Variants in DELE1 observed in about 807,000 individuals in gnomAD.
DELE1 encodes DAP3 binding cell death enhancer 1.
DELE1 carries 54 observed loss-of-function variants against 59.3 expected under a neutral mutation model. That is an observed-to-expected ratio of 0.91 (90% CI 0.73 to 1.14). The LOEUF is 1.14. Among genes scored for constraint, DELE1 ranks in the 50% most tolerant of loss-of-function variants. The probability of loss-of-function intolerance (pLI) is 0.00; values close to 1 mark genes in which losing one functional copy is unlikely to be tolerated. For missense variants in DELE1, 636 were observed against 643.9 expected, an observed-to-expected ratio of 0.99 and a Z score of 0.13; for synonymous variants, 264 against 259.1, an observed-to-expected ratio of 1.02 and a Z score of -0.18.
rs201368765 is a variant in DELE1 at position 141,924,688 on chromosome 5, C to G, written c.139C>G (p.Leu47Val). 12 of 1,602,724 alleles carry G rather than the reference C, an allele frequency of 7.5e-6. No homozygotes were observed. Among genetic ancestry groups the G allele is most frequent in the African/African-American group, 6.7e-5 (5 of 74,840 alleles). The change falls in exon 2 of 12, where the codon CTC becomes GTC. Residue 47 changes from leucine (L) to valine (V), a missense_variant. Transcript: ENST00000432126. ...CACTTTGCTGGTTCCTGTGCCTAAC[C>G]TCGACAGGTAAGATACTGCCATTTT... Reference protein sequence around the residue: ...SSTLLVPVPNLDRSGPHGPGT... With the variant: ...SSTLLVPVPNVDRSGPHGPGT...
rs1029958443 is a variant in DELE1, at chr5:141,941,448, C to T, written c.*2689C>T. ...AAAATCCTTGGCTGTTCAGTCACTG[C>T]GGTCTTGATCCAGCCCCAGGGGGAT... is the stretch of plus-strand genomic sequence containing the variant. On this transcript the variant is annotated 3_prime_UTR_variant, in exon 12 of 12. Coordinates refer to ENST00000432126, the MANE Select transcript of DELE1 (RefSeq NM_014773.5). 1.8e-5 allele frequency: 18 copies of T among 985,480 alleles called. No individual in the cohort carries two copies. The highest frequency in any genetic ancestry group is 1.0e-3 in the Middle Eastern group (2 of 1,914). 61.0% of individuals were successfully genotyped at this position (985,480 alleles called of 1,614,324 possible).
rs893592545 is a variant in DELE1, at chr5:141,940,546, A to T, written c.*1787A>T. ...GTCCACGTTTCCCTCTCTGCTTCCC[A>T]CCCCATCTCTCTCAACTTCTTAGTG... On this transcript the variant is annotated 3_prime_UTR_variant, in exon 12 of 12. Transcript: ENST00000432126. 2.0e-6 allele frequency: 2 copies of T among 985,188 alleles called. No individual in the cohort carries two copies. Among genetic ancestry groups the T allele is most frequent in the Non-Finnish European group, 2.4e-6 (2 of 829,888 alleles). 61.0% of individuals were successfully genotyped at this position (985,188 alleles called of 1,614,324 possible).
intron 7 of DELE1, among the ~76,000 whole-genome samples, chr5:141,932,747 AG>A (rs1227746278): frequency 1.3e-5 from 2 of 152,208 alleles, no homozygotes; most frequent in African/African-American, 4.8e-5. Context: ...GGTTTATAGT[AG>A]GGCAGAACCC....
At chr5:141,929,537 A>G (rs542422343) in intron 4 of DELE1, 45 bp from the exon 5 acceptor site, 5 of 1,597,510 alleles carry the variant, frequency 3.1e-6, no homozygotes, top group Admixed American at 3.4e-5. Flanking sequence ...GGTGTGAGCC[A>G]TCGCGCCTGG....
In DELE1 at chr5:141,935,659, C is replaced by T. The variant is rs139842868; in HGVS notation, c.1149+1073C>T. Among the ~76,000 whole-genome samples, 689 of 152,342 alleles carry T rather than the reference C, an allele frequency of 4.5e-3. 8 individuals are homozygous for T. Among genetic ancestry groups the T allele is most frequent in the African/African-American group, 0.016 (647 of 41,578 alleles). ...CAACAGGTATCCACTGCTGTACCTGCCTTGCCTTGAAAGAGCCCCACAGAG... is the reference window on the plus strand; with the variant it reads ...CAACAGGTATCCACTGCTGTACCTGTCTTGCCTTGAAAGAGCCCCACAGAG... On this transcript the variant is annotated intron_variant, in intron 10 of 11. Coordinates refer to ENST00000432126, the MANE Select transcript of DELE1 (RefSeq NM_014773.5).
chr5:141,939,869 A>G lies in DELE1; in HGVS notation c.*1110A>G, dbSNP rs1752634263. On this transcript the variant is annotated 3_prime_UTR_variant, in exon 12 of 12. Coordinates refer to ENST00000432126, the MANE Select transcript of DELE1 (RefSeq NM_014773.5). ...CACCACAGAGAGGACCTTTGTGCTC[A>G]CTTTGGCCCAGGAGGCAGTGATGCT... is the stretch of plus-strand genomic sequence containing the variant. 6 of 583,770 alleles carry G rather than the reference A, an allele frequency of 1.0e-5. No individual in the cohort carries two copies. In the South Asian group the frequency reaches 3.7e-4, roughly 36 times the overall value. 36.2% of individuals were successfully genotyped at this position (583,770 alleles called of 1,614,324 possible).
intron 2 of DELE1, 55 bp downstream of exon 2, chr5:141,924,750 AT>A (rs372628786): frequency 0.033 from 27,288 of 834,820 alleles, no homozygotes; most frequent in Non-Finnish European, 0.039. Flanking sequence ...CTTTTTTTTT[AT>A]TTTTTTTTTT....
In DELE1 at chr5:141,939,335, G is replaced by A. The variant is rs1443194363; in HGVS notation, c.*576G>A. 7 of 854,634 alleles carry A rather than the reference G, an allele frequency of 8.2e-6. No individual in the cohort carries two copies. Among genetic ancestry groups the A allele is most frequent in the Non-Finnish European group, 9.8e-6 (7 of 710,756 alleles). 52.9% of individuals were successfully genotyped at this position (854,634 alleles called of 1,614,324 possible). ...GAATCAGTTTAAAGAAAAACATAAC[G>A]TAAAAGTGGGCACAGATCCAGAGAG... On this transcript the variant is annotated 3_prime_UTR_variant, in exon 12 of 12. Coordinates refer to ENST00000432126, the MANE Select transcript of DELE1 (RefSeq NM_014773.5).
intron 8 of DELE1, 62 bp from the exon 9 acceptor site, chr5:141,934,178 A>G: frequency 7.1e-7 from 1 of 1,415,682 alleles, no homozygotes; most frequent in Non-Finnish European, 9.4e-7. Context: ...TAAAAATTTC[A>G]CTGAGTGCAA....
chr5:141,925,490 G>A lies in DELE1; in HGVS notation c.227G>A (p.Arg76His), dbSNP rs145284153. The change falls in exon 3 of 12, where the codon CGT becomes CAT. Residue 76 changes from arginine to histidine, a missense_variant. Arg to His is a conservative substitution (Grantham distance 29). Transcript: ENST00000432126. ...WKDAFQWMSS[R>H]VSPNTLWDAI... ...GATGCCTTCCAATGGATGTCTTCCC[G>A]TGTCTCCCCGAACACCCTATGGGAT... 1.4e-5 allele frequency: 22 copies of A among 1,603,316 alleles called. 1 individual carries two copies. The highest frequency in any genetic ancestry group is 1.2e-4 in the African/African-American group (9 of 74,206).
At chr5:141,936,523 C>A (rs1752371858) in intron 10 of DELE1, among the ~76,000 whole-genome samples, 1 of 152,192 alleles carries the variant, frequency 6.6e-6, no homozygotes, top group South Asian at 2.1e-4. Context: ...CAACCTCCGC[C>A]TCCCGGGTTC....
At position 141,928,006 on chromosome 5, in the gene DELE1, C is replaced by G. The variant is rs1027452196; in HGVS notation, c.265-145C>G. ...TTTAAATGCCAGTGTGGTCAGGGCT[C>G]CAGAGAAGTTAGGGTGTTGTGAAAG... On this transcript the variant is annotated intron_variant, in intron 3 of 11. Transcript: ENST00000432126. The G allele has an allele frequency of 1.9e-5, 15 of 805,542 alleles. No homozygotes were observed. In the African/African-American group the frequency reaches 2.4e-4, roughly 13 times the overall value. The allele number at this position is 805,542 out of a possible 1,614,324, so 49.9% of individuals were successfully genotyped here.
intron 1 of DELE1, 92 bp downstream of exon 1, chr5:141,924,064 G>C (rs1751158971): frequency 6.6e-7 from 1 of 1,519,944 alleles, no homozygotes; most frequent in Non-Finnish European, 9.0e-7. Flanking sequence ...AAGCGATCGT[G>C]GGCCGGGTTA....
Position 141,939,758 on chromosome 5 carries a change from C to A in DELE1, c.*999C>A. 1 of 915,634 alleles carries A rather than the reference C, an allele frequency of 1.1e-6. No individual in the cohort carries two copies. Among genetic ancestry groups the A allele is most frequent in the Non-Finnish European group, 1.3e-6 (1 of 766,326 alleles). 56.7% of individuals were successfully genotyped at this position (915,634 alleles called of 1,614,324 possible). A position where few individuals can be genotyped will look rare whatever the true frequency, so the allele number is the denominator to read the frequency against. ...GGCCATGTCACCTTGAAGCTGTGAC[C>A]TGACTCCCTATATTGTTTCCTCAGT... On this transcript the variant is annotated 3_prime_UTR_variant, in exon 12 of 12. Transcript: ENST00000432126.
rs1282071543 is a variant in DELE1 at position 141,939,028 on chromosome 5, G to A, written c.*269G>A. ...TGACCTATGAAAAACCCTACTGAAGGGTCCAGAGACCCTGGTGCTCACCTT... is the reference window on the plus strand; with the variant it reads ...TGACCTATGAAAAACCCTACTGAAGAGTCCAGAGACCCTGGTGCTCACCTT... On this transcript the variant is annotated 3_prime_UTR_variant, in exon 12 of 12. Transcript: ENST00000432126. The A allele has an allele frequency of 1.5e-5, 19 of 1,270,788 alleles. No homozygotes were observed. Among genetic ancestry groups the A allele is most frequent in the Non-Finnish European group, 1.6e-5 (16 of 1,005,166 alleles). 78.7% of individuals were successfully genotyped at this position (1,270,788 alleles called of 1,614,324 possible).
chr5:141,938,698 G>C lies in DELE1; in HGVS notation c.1487G>C (p.Arg496Thr), dbSNP rs1270594989. Residue 496 changes from arginine to threonine, a missense_variant, in exon 12 of 12, where the codon AGG becomes ACG. Transcript: ENST00000432126. ...HLGASLEASSRAIPPHPYPLE... is the reference protein window; with the variant it reads ...HLGASLEASSTAIPPHPYPLE... ...GGAGCCAGCCTGGAAGCCTCCAGCAGGGCTATTCCCCCACACCCCTACCCA... is the reference window on the plus strand; with the variant it reads ...GGAGCCAGCCTGGAAGCCTCCAGCACGGCTATTCCCCCACACCCCTACCCA... The C allele has an allele frequency of 1.2e-6, 2 of 1,614,134 alleles. No individual in the cohort carries two copies.
chr5:141,925,765 G>A (rs1252876978), intron 3 of DELE1, among the ~76,000 whole-genome samples: 2 of 152,134 alleles, frequency 1.3e-5, no homozygotes, highest in Non-Finnish European at 2.9e-5. Flanking sequence ...AGGCATTTTT[G>A]CTAGTCACTA....
intron 10 of DELE1, chr5:141,934,974 A>C: frequency 4.7e-6 from 1 of 211,222 alleles, no homozygotes; most frequent in Non-Finnish European, 9.6e-6. Flanking sequence ...CAGAATAATA[A>C]TGCTTGCCTT....
chr5:141,935,372 A>G (rs1469296193), intron 10 of DELE1, among the ~76,000 whole-genome samples: 1 of 152,244 alleles, frequency 6.6e-6, no homozygotes, highest in Non-Finnish European at 1.5e-5. Context: ...TGAAAAGGCC[A>G]TCTGTAATTT....
Sources: gnomAD v4.1 joint callset for allele counts (sites outside exome capture counted in the v4.1 genomes callset) on GRCh38, gnomAD v4.1.1 for gene constraint, MANE v1.5 for transcripts, NCBI Gene and HGNC (gene_info 2026-07-23, HGNC 2026-07-21) for gene names.